Variants in HAT1 observed in about 807,000 individuals in gnomAD.
The protein encoded by HAT1 is histone acetyltransferase 1.
Under a neutral mutation model 56.6 loss-of-function variants are expected in HAT1, and 20 were observed. That is an observed-to-expected ratio of 0.35 (90% CI 0.25 to 0.51). HAT1 has a LOEUF of 0.51. HAT1 is among the 20% of genes least tolerant of loss of function. The pLI, the probability that HAT1 is intolerant of heterozygous loss-of-function variation, is 0.95. For synonymous variants in HAT1, 146 were observed against 165.5 expected (o/e 0.88, Z 0.91); for missense variants, 408 against 504.3 (o/e 0.81, Z 1.83).
chr2:171,951,375 A>G (rs1347811834), intron 3 of HAT1, among the ~76,000 whole-genome samples: 1 of 152,192 alleles, frequency 6.6e-6, no homozygotes, highest in African/African-American at 2.4e-5. Context: ...ACTTTAAAAA[A>G]TCTGTGTAAT....
intron 4 of HAT1, among the ~76,000 whole-genome samples, chr2:171,955,716 A>AAT (rs979486016): frequency 2.6e-5 from 4 of 151,982 alleles, no homozygotes; most frequent in African/African-American, 7.3e-5. Flanking sequence ...CATCTTAGAG[A>AAT]ATATATATAT....
chr2:171,944,917 G>C (rs963767339), intron 2 of HAT1, among the ~76,000 whole-genome samples: 1 of 152,164 alleles, frequency 6.6e-6, no homozygotes, highest in African/African-American at 2.4e-5. Context: ...GATCACCCAG[G>C]CTGGAGCGCA....
At chr2:171,969,958 C>T (rs1023021700) in intron 8 of HAT1, among the ~76,000 whole-genome samples, 3 of 152,018 alleles carry the variant, frequency 2.0e-5, no homozygotes, top group African/African-American at 7.3e-5. Context: ...TCAAGACCAG[C>T]CTGGGCAACA....
At chr2:171,950,009 GAGTC>G (rs988190248) in intron 3 of HAT1, among the ~76,000 whole-genome samples, 2 of 152,134 alleles carry the variant, frequency 1.3e-5, no homozygotes, top group Non-Finnish European at 2.9e-5. Flanking sequence ...GTTAGTTCTG[GAGTC>G]AGTCAGTCTC....
At chr2:171,972,542 G>T (rs1687843389) in intron 8 of HAT1, among the ~76,000 whole-genome samples, 1 of 152,226 alleles carries the variant, frequency 6.6e-6, no homozygotes, top group South Asian at 2.1e-4. Flanking sequence ...GGGATCACAG[G>T]TGTGAGCAGC....
intron 2 of HAT1, among the ~76,000 whole-genome samples, chr2:171,945,252 G>A (rs1287615113): frequency 6.6e-6 from 1 of 151,602 alleles, no homozygotes. Context: ...ATTTTATCAG[G>A]GAACTATCTA....
intron 8 of HAT1, among the ~76,000 whole-genome samples, chr2:171,970,282 G>A (rs1343620402): frequency 1.3e-4 from 19 of 151,414 alleles, no homozygotes; most frequent in African/African-American, 4.6e-4. Flanking sequence ...TTAGCCAGGC[G>A]TGGTGGCATG....
chr2:171,978,161 C>T (rs1688035921), intron 9 of HAT1, among the ~76,000 whole-genome samples: 1 of 150,654 alleles, frequency 6.6e-6, no homozygotes, highest in African/African-American at 2.4e-5. Flanking sequence ...ACCTCCTGGG[C>T]TCAAATGACT....
At chr2:171,975,979 A>C (rs559779803) in intron 8 of HAT1, among the ~76,000 whole-genome samples, 178 bp from the exon 9 acceptor site, 44 of 8,930 alleles carry the variant, frequency 4.9e-3, no homozygotes, top group South Asian at 0.025. Flanking sequence ...TTTTAGACAG[A>C]GTCTCGCTCT....
At chr2:171,958,431 C>T (rs1370239510) in intron 4 of HAT1, among the ~76,000 whole-genome samples, 2 of 151,458 alleles carry the variant, frequency 1.3e-5, no homozygotes. Context: ...GTTTTTCCCC[C>T]TCATTAAAAA....
At chr2:171,975,832 T>C (rs1687948134) in intron 8 of HAT1, among the ~76,000 whole-genome samples, 2 of 151,962 alleles carry the variant, frequency 1.3e-5, no homozygotes, top group Admixed American at 1.3e-4. Flanking sequence ...AACTTGTCTA[T>C]TTTTGTTTTC....
intron 4 of HAT1, among the ~76,000 whole-genome samples, chr2:171,959,616 T>C (rs998958390): frequency 6.6e-6 from 1 of 152,192 alleles, no homozygotes; most frequent in Non-Finnish European, 1.5e-5. Flanking sequence ...AAGACTTTTT[T>C]CCCCTTATTA....
intron 4 of HAT1, among the ~76,000 whole-genome samples, chr2:171,960,305 A>G (rs78790839): frequency 6.6e-5 from 10 of 151,966 alleles, no homozygotes; most frequent in Non-Finnish European, 1.3e-4. Context: ...ACAGATGAAG[A>G]AAAAAAACGA....
At chr2:171,979,567 G>A in intron 10 of HAT1, 1 of 427,924 alleles carries the variant, frequency 2.3e-6, no homozygotes, top group Non-Finnish European at 4.3e-6. Flanking sequence ...CAGCACTCAG[G>A]GAGGCCAAGG....
At chr2:171,966,554 A>C in intron 7 of HAT1, 41 bp downstream of exon 7, 2 of 891,154 alleles carry the variant, frequency 2.2e-6, no homozygotes, top group Non-Finnish European at 3.8e-6. Context: ...TTTATTTCAG[A>C]AGAAGGAACT....
intron 4 of HAT1, among the ~76,000 whole-genome samples, chr2:171,955,837 G>A (rs1288987296): frequency 6.6e-6 from 1 of 151,210 alleles, no homozygotes; most frequent in Non-Finnish European, 1.5e-5. Context: ...ACGAGGTCAG[G>A]AGTTTGAGTC....
In HAT1 at chr2:171,928,731, G is replaced by A. The variant is rs138589893; in HGVS notation, c.112+3090G>A. 1.8e-4 allele frequency among the ~76,000 whole-genome samples: 27 copies of A among 152,158 alleles called. No individual in the cohort carries two copies. In the East Asian group the frequency reaches 4.6e-3, roughly 26 times the overall value. On this transcript the variant is annotated intron_variant, in intron 2 of 10. Coordinates refer to ENST00000264108, the MANE Select transcript of HAT1 (RefSeq NM_003642.4). ...TCACTATGTTGGCCAGGCTGGTCTC[G>A]AACTCCTGGCTTCATGATCGCCTGC...
intron 4 of HAT1, among the ~76,000 whole-genome samples, chr2:171,953,244 G>T (rs1399027546): frequency 6.6e-6 from 1 of 152,086 alleles, no homozygotes; most frequent in Non-Finnish European, 1.5e-5. Context: ...TACTCAGGAG[G>T]CTGAGGTCAG....
intron 8 of HAT1, among the ~76,000 whole-genome samples, chr2:171,974,280 T>C (rs74388012): frequency 0.022 from 3,344 of 151,516 alleles, 136 homozygotes; most frequent in African/African-American, 0.077. Context: ...GTTTTCAGTA[T>C]ACAAGTTTTG....
Sources: allele counts gnomAD v4.1 joint callset (sites outside exome capture counted in the v4.1 genomes callset), GRCh38; gene constraint gnomAD v4.1.1; transcripts MANE v1.5; gene names NCBI Gene and HGNC (gene_info 2026-07-23, HGNC 2026-07-21).